CADM2: variants seen among roughly 807,000 people sequenced by gnomAD.
CADM2 encodes the protein immunoglobulin superfamily member 4D.
CADM2 carries 12 observed loss-of-function variants against 49.8 expected under a neutral mutation model. The observed-to-expected ratio is 0.24, with a 90% CI of 0.15 to 0.39. The LOEUF is 0.39. Ranked by LOEUF, CADM2 falls within the 10% of genes least tolerant of loss-of-function variation. CADM2 has a pLI of 1.00. For missense variants in CADM2, 378 were observed against 492.3 expected (o/e 0.77, Z 2.20); for synonymous variants, 214 against 175.4 (o/e 1.22, Z -1.74).
chr3:85,537,388 A>G (rs370965862), intron 1 of CADM2, among the ~76,000 whole-genome samples: 7 of 152,198 alleles, frequency 4.6e-5, no homozygotes, highest in African/African-American at 1.7e-4. Context: ...TACCCAATGT[A>G]ATTCTGAATT....
chr3:85,643,908 C>A (rs933245083), intron 1 of CADM2, among the ~76,000 whole-genome samples: 3 of 152,036 alleles, frequency 2.0e-5, no homozygotes, highest in African/African-American at 7.2e-5. Flanking sequence ...GGCTCCATTT[C>A]TAAATACAGC....
chr3:85,334,043 G>C (rs1294473785), intron 1 of CADM2, among the ~76,000 whole-genome samples: 1 of 151,570 alleles, frequency 6.6e-6, no homozygotes, highest in Non-Finnish European at 1.5e-5. Flanking sequence ...TGAAATAAGT[G>C]TATATTAACT....
At chr3:84,988,047 C>G (rs573387599) in intron 1 of CADM2, among the ~76,000 whole-genome samples, 46 of 152,262 alleles carry the variant, frequency 3.0e-4, no homozygotes, top group African/African-American at 1.0e-3. Context: ...CAAAACAAAA[C>G]AAAATGGGAA....
intron 1 of CADM2, among the ~76,000 whole-genome samples, chr3:85,497,512 A>G (rs2039954459): frequency 6.6e-6 from 1 of 152,156 alleles, no homozygotes; most frequent in Non-Finnish European, 1.5e-5. Flanking sequence ...AGTATTTTAA[A>G]GAATGTATTT....
At chr3:85,455,381 G>T (rs1439820370) in intron 1 of CADM2, among the ~76,000 whole-genome samples, 1 of 152,078 alleles carries the variant, frequency 6.6e-6, no homozygotes, top group African/African-American at 2.4e-5. Flanking sequence ...ACAAAAACAG[G>T]TTTTATATTG....
intron 2 of CADM2, among the ~76,000 whole-genome samples, chr3:85,790,187 C>CA (rs1177267557): frequency 1.3e-5 from 2 of 152,124 alleles, no homozygotes; most frequent in Non-Finnish European, 2.9e-5. Flanking sequence ...CACAATCATG[C>CA]AAAACATTTT....
intron 3 of CADM2, among the ~76,000 whole-genome samples, chr3:85,845,624 G>T (rs552566267): frequency 6.6e-6 from 1 of 152,144 alleles, no homozygotes; most frequent in African/African-American, 2.4e-5. Context: ...CCAGGCCAGA[G>T]TTGGAATACC....
intron 8 of CADM2, among the ~76,000 whole-genome samples, chr3:85,962,906 C>A (rs1725016153): frequency 6.6e-6 from 1 of 151,880 alleles, no homozygotes; most frequent in East Asian, 1.9e-4. Flanking sequence ...TATTTGATAT[C>A]TTTCCCTTGA....
At chr3:85,885,872 T>A (rs1229703046) in intron 4 of CADM2, among the ~76,000 whole-genome samples, 1 of 117,484 alleles carries the variant, frequency 8.5e-6, no homozygotes, top group Admixed American at 8.8e-5. Context: ...AAAAAAAAAA[T>A]TACAATTTAA....
intron 3 of CADM2, among the ~76,000 whole-genome samples, chr3:85,803,242 T>G (rs922594617): frequency 2.0e-5 from 3 of 152,158 alleles, no homozygotes; most frequent in African/African-American, 7.2e-5. Flanking sequence ...TCTAATTCAT[T>G]TATTTGATAA....
At chr3:85,369,981 A>G (rs1186935656) in intron 1 of CADM2, among the ~76,000 whole-genome samples, 1 of 151,984 alleles carries the variant, frequency 6.6e-6, no homozygotes, top group Non-Finnish European at 1.5e-5. Context: ...TAAAAAAAAC[A>G]GCAAAATCAG....
intron 1 of CADM2, among the ~76,000 whole-genome samples, chr3:85,080,547 A>G (rs895147363): frequency 3.3e-5 from 5 of 152,110 alleles, no homozygotes; most frequent in African/African-American, 7.2e-5. Context: ...CAGTACCAAA[A>G]TAATAATCTT....
At chr3:86,063,816 G>A (rs1252937436) in intron 8 of CADM2, among the ~76,000 whole-genome samples, 3 of 151,972 alleles carry the variant, frequency 2.0e-5, no homozygotes, top group Non-Finnish European at 2.9e-5. Flanking sequence ...TTCACTGTCC[G>A]TTAAATAGAT....
chr3:85,348,019 A>G (rs9847998), intron 1 of CADM2, among the ~76,000 whole-genome samples: 128,653 of 152,014 alleles, frequency 0.85, 54,597 homozygotes, highest in Non-Finnish European at 0.87. Context: ...ATGATAACCA[A>G]GCTGGCCTTG....
chr3:85,514,459 A>G (rs2060846251), intron 1 of CADM2, among the ~76,000 whole-genome samples: 1 of 152,122 alleles, frequency 6.6e-6, no homozygotes, highest in South Asian at 2.1e-4. Flanking sequence ...GGCAGAGAAT[A>G]TCTTTGAAAT....
At chr3:85,212,454 T>C (rs1467495683) in intron 1 of CADM2, among the ~76,000 whole-genome samples, 1 of 152,160 alleles carries the variant, frequency 6.6e-6, no homozygotes, top group Non-Finnish European at 1.5e-5. Context: ...TGTTTTTAGA[T>C]TTCAGGTTAC....
chr3:85,543,639 G>T (rs72909263), intron 1 of CADM2, among the ~76,000 whole-genome samples: 6,477 of 152,048 alleles, frequency 0.043, 463 homozygotes, highest in African/African-American at 0.15. Flanking sequence ...CCACAGGCTG[G>T]GTAATTTATA....
intron 1 of CADM2, among the ~76,000 whole-genome samples, chr3:85,527,725 A>C (rs1030275328): frequency 8.5e-5 from 13 of 152,130 alleles, no homozygotes; most frequent in Non-Finnish European, 1.8e-4. Flanking sequence ...CAAATTGACA[A>C]TGTCGAAAAA....
At chr3:85,550,517 G>C (rs556917716) in intron 1 of CADM2, among the ~76,000 whole-genome samples, 37 of 152,188 alleles carry the variant, frequency 2.4e-4, no homozygotes, top group African/African-American at 8.2e-4. Context: ...CAATTCCTCT[G>C]GGTGAGTCTG....
Sources: gnomAD v4.1 joint callset for allele counts (sites outside exome capture counted in the v4.1 genomes callset) on GRCh38, gnomAD v4.1.1 for gene constraint, MANE v1.5 for transcripts, NCBI Gene and HGNC (gene_info 2026-07-23, HGNC 2026-07-21) for gene names.